Variants in GALNT1 observed in about 807,000 individuals in gnomAD.
GALNT1 encodes the protein GalNAc transferase 1.
Under a neutral mutation model 65.7 loss-of-function variants are expected in GALNT1, and 17 were observed. The ratio of observed to expected loss-of-function variants is 0.26; its 90% CI spans 0.18 to 0.39. The LOEUF (loss-of-function observed/expected upper bound fraction) is 0.39, where lower values mean the gene tolerates loss of function less well. Ranked by LOEUF, GALNT1 falls within the 10% of genes least tolerant of loss-of-function variation. GALNT1 has a pLI of 1.00. For missense variants in GALNT1, 460 were observed against 672.8 expected (o/e 0.68, Z 3.50); for synonymous variants, 210 against 219.7 (o/e 0.96, Z 0.39).
chr18:35,621,401 C>T (rs2046850150), intron 1 of GALNT1, among the ~76,000 whole-genome samples: 1 of 147,282 alleles, frequency 6.8e-6, no homozygotes, highest in Non-Finnish European at 1.5e-5. Flanking sequence ...CTATGTTGCC[C>T]AGGCTGGTCT....
At chr18:35,634,039 A>G (rs1232279412) in intron 1 of GALNT1, among the ~76,000 whole-genome samples, 1 of 152,180 alleles carries the variant, frequency 6.6e-6, no homozygotes, top group Non-Finnish European at 1.5e-5. Context: ...TGACCATTTG[A>G]GTTCTTGTTG....
intron 1 of GALNT1, among the ~76,000 whole-genome samples, chr18:35,614,742 A>G (rs1271197967): frequency 6.6e-6 from 1 of 152,194 alleles, no homozygotes. Flanking sequence ...AAGGACTAAC[A>G]TCCAGAATCT....
intron 1 of GALNT1, among the ~76,000 whole-genome samples, chr18:35,612,283 T>C (rs1342770166): frequency 6.6e-6 from 1 of 152,164 alleles, no homozygotes; most frequent in African/African-American, 2.4e-5. Context: ...TACATCTCCA[T>C]GAAAGATAGA....
chr18:35,627,765 C>T (rs1462480122), intron 1 of GALNT1, among the ~76,000 whole-genome samples: 5 of 151,276 alleles, frequency 3.3e-5, no homozygotes, highest in Non-Finnish European at 7.4e-5. Context: ...TGAAGCAGGG[C>T]GAGGCATCAC....
At chr18:35,703,294 C>T (rs1052274897) in intron 10 of GALNT1, among the ~76,000 whole-genome samples, 3 of 152,064 alleles carry the variant, frequency 2.0e-5, no homozygotes, top group Non-Finnish European at 4.4e-5. Flanking sequence ...AGCTCAAGGT[C>T]ATTTTTGCTT....
At position 35,607,589 on chromosome 18, in the gene GALNT1, GC is replaced by G. The variant is rs112971158; in HGVS notation, c.-104+25728del. ...TGGACTTATACAGCTCATGTATGAG[GC>G]TGGGGGCTGGTATGGTGGCTCCATG... On this transcript the variant is annotated intron_variant, in intron 1 of 11. Transcript: ENST00000269195. 6.4e-3 allele frequency among the ~76,000 whole-genome samples: 971 copies of G among 152,270 alleles called. 18 individuals are homozygous for G. The highest frequency in any genetic ancestry group is 0.022 in the African/African-American group (921 of 41,560).
At position 35,654,692 on chromosome 18, in the gene GALNT1, C is replaced by T; in HGVS notation, c.30C>T (p.Val10=). The part of the protein sequence containing the change: MRKFAYCKV[V]LATSLIWVLL... ...GAAAATTTGCATACTGCAAGGTGGT[C>T]CTAGCCACCTCCTTGATTTGGGTAC... The change falls in exon 2 of 12, where the codon GTC becomes GTT. Residue 10 remains valine (V), a synonymous_variant. Coordinates refer to ENST00000269195, the MANE Select transcript of GALNT1 (RefSeq NM_020474.4). The T allele has an allele frequency of 6.4e-7, 1 of 1,555,368 alleles. No homozygotes were observed. Among genetic ancestry groups the T allele is most frequent in the Non-Finnish European group, 8.7e-7 (1 of 1,147,310 alleles).
chr18:35,586,481 T>C (rs1368727808), intron 1 of GALNT1, among the ~76,000 whole-genome samples: 1 of 152,212 alleles, frequency 6.6e-6, no homozygotes, highest in East Asian at 1.9e-4. Flanking sequence ...TTCTTTTTGG[T>C]GTCAAGTCTG....
intron 1 of GALNT1, among the ~76,000 whole-genome samples, chr18:35,643,653 G>A (rs756545684): frequency 3.3e-5 from 5 of 151,670 alleles, no homozygotes; most frequent in Admixed American, 6.6e-5. Context: ...CCAGCTACTC[G>A]GGAGGCTGAT....
chr18:35,707,250 C>T (rs1411340231), intron 11 of GALNT1, among the ~76,000 whole-genome samples: 1 of 152,174 alleles, frequency 6.6e-6, no homozygotes, highest in Non-Finnish European at 1.5e-5. Flanking sequence ...AGGAGCTTGG[C>T]AAATTATTTT....
chr18:35,637,752 A>G (rs1196322543), intron 1 of GALNT1, among the ~76,000 whole-genome samples: 1 of 152,202 alleles, frequency 6.6e-6, no homozygotes, highest in Non-Finnish European at 1.5e-5. Flanking sequence ...GATGCCATCT[A>G]AGACTTTCAT....
intron 4 of GALNT1, among the ~76,000 whole-genome samples, chr18:35,679,638 T>TC (rs576087198): frequency 7.6e-4 from 116 of 152,182 alleles, no homozygotes; most frequent in Admixed American, 2.4e-3. Flanking sequence ...GGTCTGATTC[T>TC]CCTTTATCTT....
intron 5 of GALNT1, among the ~76,000 whole-genome samples, chr18:35,684,269 T>C (rs1441071602): frequency 6.6e-6 from 1 of 150,544 alleles, no homozygotes; most frequent in South Asian, 2.1e-4. Context: ...TGGAGTGAAC[T>C]TTTACTAGTC....
chr18:35,640,481 A>G (rs1269073612), intron 1 of GALNT1, among the ~76,000 whole-genome samples: 2 of 152,218 alleles, frequency 1.3e-5, no homozygotes, highest in Non-Finnish European at 2.9e-5. Context: ...ATATTTTTAT[A>G]GATTTAAAGA....
intron 1 of GALNT1, among the ~76,000 whole-genome samples, chr18:35,590,328 G>A (rs1386967021): frequency 1.3e-5 from 2 of 151,978 alleles, no homozygotes; most frequent in Admixed American, 6.6e-5. Context: ...TAAATCCTTC[G>A]TTGTAATTTA....
At chr18:35,608,813 C>T (rs72958864) in intron 1 of GALNT1, among the ~76,000 whole-genome samples, 8,489 of 152,226 alleles carry the variant, frequency 0.056, 273 homozygotes, top group South Asian at 0.072. Flanking sequence ...AAAAGAAGGA[C>T]TAGTTTTCTG....
chr18:35,622,310 G>A (rs574190618), intron 1 of GALNT1, among the ~76,000 whole-genome samples: 80 of 151,934 alleles, frequency 5.3e-4, no homozygotes, highest in African/African-American at 1.7e-3. Context: ...GGAGTGCAGT[G>A]GCATAGTCAC....
chr18:35,652,460 C>A lies in GALNT1; in HGVS notation c.-103-2100C>A, dbSNP rs563905385. On this transcript the variant is annotated intron_variant, in intron 1 of 11. Transcript: ENST00000269195. ...TCTCTGCCATTTTCATCGGCCACAT[C>A]GTCCCCTCTGCCAACCCCAGCTGCT... Among the ~76,000 whole-genome samples the A allele has an allele frequency of 4.3e-4, 65 of 152,236 alleles. No individual in the cohort carries two copies. The South Asian group carries it at 5.6e-3, about 13-fold the overall frequency.
chr18:35,708,929 A>T (rs574227829), intron 11 of GALNT1, among the ~76,000 whole-genome samples: 1 of 152,370 alleles, frequency 6.6e-6, no homozygotes, highest in East Asian at 1.9e-4. Context: ...CCTAATTTTT[A>T]AAATGAGAAA....
Sources: allele counts gnomAD v4.1 joint callset (sites outside exome capture counted in the v4.1 genomes callset), GRCh38; gene constraint gnomAD v4.1.1; transcripts MANE v1.5; gene names NCBI Gene and HGNC (gene_info 2026-07-23, HGNC 2026-07-21).